The following CFAP299 variants were observed in gnomAD, a reference collection of about 807,000 sequenced individuals.
CFAP299 encodes the protein cilia- and flagella-associated protein 299.
A neutral mutation model predicts 27.0 loss-of-function variants in CFAP299; 21 were observed. The observed-to-expected ratio is 0.78, with a 90% CI of 0.55 to 1.12. The LOEUF (loss-of-function observed/expected upper bound fraction) is 1.12, where lower values mean the gene tolerates loss of function less well. CFAP299 is among the 50% of genes most tolerant of loss of function. CFAP299 has a pLI of 0.00. For synonymous variants in CFAP299, 104 were observed against 98.1 expected (o/e 1.06, Z -0.36); for missense variants, 310 against 276.6 (o/e 1.12, Z -0.86).
rs3038572 is a variant in CFAP299 at position 80,902,586 on chromosome 4, TACACAC to T, written c.476+32486_476+32491del. On this transcript the variant is annotated intron_variant, in intron 4 of 5. Coordinates refer to ENST00000358105, the MANE Select transcript of CFAP299 (RefSeq NM_152770.3). ...ATTTTATCCATATATATGTAATATA[TACACAC>T]ACACACACACACACACACACACACA... Among the ~76,000 whole-genome samples the T allele has an allele frequency of 3.0e-3, 378 of 126,688 alleles. 2 individuals carry two copies. The highest frequency in any genetic ancestry group is 3.9e-3 in the Non-Finnish European group (240 of 61,130). 83.1% of individuals were successfully genotyped at this position (126,688 alleles called of 152,430 possible).
chr4:80,880,887 G>A (rs1319428009), intron 4 of CFAP299, among the ~76,000 whole-genome samples: 1 of 152,214 alleles, frequency 6.6e-6, no homozygotes, highest in Admixed American at 6.5e-5. Flanking sequence ...GGGAAAGTGA[G>A]ATTGCAGTGT....
At chr4:80,392,895 T>C (rs1460594103) in intron 2 of CFAP299, among the ~76,000 whole-genome samples, 1 of 152,230 alleles carries the variant, frequency 6.6e-6, no homozygotes, top group East Asian at 1.9e-4. Flanking sequence ...GCACTCCTTC[T>C]ACTTATTAAA....
intron 3 of CFAP299, among the ~76,000 whole-genome samples, chr4:80,668,117 T>A (rs1265863164): frequency 6.6e-6 from 1 of 151,346 alleles, no homozygotes; most frequent in African/African-American, 2.4e-5. Context: ...TTTCGTCTTT[T>A]GGGAAATATC....
chr4:80,535,122 G>A (rs1733661831), intron 2 of CFAP299, among the ~76,000 whole-genome samples: 1 of 151,732 alleles, frequency 6.6e-6, no homozygotes, highest in Non-Finnish European at 1.5e-5. Context: ...TTCAATCTGG[G>A]TAGGACAAAG....
In CFAP299 at chr4:80,752,032, A is replaced by G. The variant is rs549558792; in HGVS notation, c.334-117961A>G. ...CACACAGCTCTGTGTATCAGACCCA[A>G]TGCCCTGGTGGCATGGGCTCACAAG... On this transcript the variant is annotated intron_variant, in intron 3 of 5. Transcript: ENST00000358105. Among the ~76,000 whole-genome samples, 10 of 152,216 alleles carry G rather than the reference A, an allele frequency of 6.6e-5. No homozygotes were observed. The South Asian group carries it at 1.5e-3, about 22-fold the overall frequency.
At position 80,491,620 on chromosome 4, in the gene CFAP299, ATTTT is replaced by A. The variant is rs575216669; in HGVS notation, c.243-91466_243-91463del. 2.0e-5 allele frequency among the ~76,000 whole-genome samples: 3 copies of A among 149,976 alleles called. No individual in the cohort carries two copies. In the East Asian group the frequency reaches 5.9e-4, roughly 29 times the overall value. ...GGTTAATGTTGAGGACTAAACTCTG[ATTTT>A]TTTTTTCTTGCCCAAATTCCTATCT... On this transcript the variant is annotated intron_variant, in intron 2 of 5. Transcript: ENST00000358105.
At chr4:80,686,621 G>A (rs1720213374) in intron 3 of CFAP299, among the ~76,000 whole-genome samples, 1 of 152,142 alleles carries the variant, frequency 6.6e-6, no homozygotes, top group Non-Finnish European at 1.5e-5. Flanking sequence ...ATAGTGGCAG[G>A]AAATGAATGC....
rs563251683 is a variant in CFAP299, at chr4:80,857,078, A to G, written c.334-12915A>G. Among the ~76,000 whole-genome samples, 323 of 152,172 alleles carry G rather than the reference A, an allele frequency of 2.1e-3. 2 individuals carry two copies. Among genetic ancestry groups the G allele is most frequent in the African/African-American group, 7.4e-3 (308 of 41,526 alleles). Reference sequence around the variant, plus strand: ...ATTTGTTTGTATCCTCTTTTATTTCACTGAACAGTGTTTTGTAGTTCTTCT... The same window carrying G: ...ATTTGTTTGTATCCTCTTTTATTTCGCTGAACAGTGTTTTGTAGTTCTTCT... On this transcript the variant is annotated intron_variant, in intron 3 of 5. Coordinates refer to ENST00000358105, the MANE Select transcript of CFAP299 (RefSeq NM_152770.3).
chr4:80,384,850 C>A (rs1157578825), intron 2 of CFAP299, among the ~76,000 whole-genome samples: 1 of 152,106 alleles, frequency 6.6e-6, no homozygotes, highest in Non-Finnish European at 1.5e-5. Flanking sequence ...CCATGAGTCC[C>A]TGCTAGGTTC....
intron 3 of CFAP299, among the ~76,000 whole-genome samples, chr4:80,842,201 T>C (rs896620757): frequency 5.3e-5 from 8 of 152,128 alleles, no homozygotes; most frequent in Non-Finnish European, 1.0e-4. Context: ...ATTCATGGGT[T>C]CCCAAGTTCT....
At chr4:80,483,127 AG>A (rs899815520) in intron 2 of CFAP299, among the ~76,000 whole-genome samples, 4 of 152,170 alleles carry the variant, frequency 2.6e-5, no homozygotes, top group African/African-American at 7.2e-5. Context: ...AAGGTGGAGG[AG>A]GGGGGCAGAA....
intron 3 of CFAP299, among the ~76,000 whole-genome samples, chr4:80,672,613 A>G (rs1307162863): frequency 1.3e-5 from 2 of 152,186 alleles, no homozygotes; most frequent in Admixed American, 6.5e-5. Flanking sequence ...GGTAGAATTC[A>G]GCTGTGAATC....
chr4:80,606,555 C>A (rs1737689115), intron 3 of CFAP299, among the ~76,000 whole-genome samples: 1 of 151,916 alleles, frequency 6.6e-6, no homozygotes, highest in Non-Finnish European at 1.5e-5. Context: ...AGATATGTAG[C>A]CATAGCTACA....
the CFAP299 span, among the ~76,000 whole-genome samples, chr4:80,325,913 G>C: frequency 3.3e-5 from 5 of 152,304 alleles, no homozygotes; most frequent in Admixed American, 6.5e-5. Flanking sequence ...GCTGAACTGA[G>C]TGCAGATACA....
At chr4:80,656,325 A>G (rs916636884) in intron 3 of CFAP299, among the ~76,000 whole-genome samples, 1 of 151,484 alleles carries the variant, frequency 6.6e-6, no homozygotes, top group Non-Finnish European at 1.5e-5. Context: ...TGATGCACCC[A>G]TCACCCCATC....
At chr4:80,597,590 A>G (rs1436483698) in intron 3 of CFAP299, among the ~76,000 whole-genome samples, 1 of 152,196 alleles carries the variant, frequency 6.6e-6, no homozygotes, top group East Asian at 1.9e-4. Context: ...GCTGTTTAAG[A>G]TATCTTTGCT....
At chr4:80,948,620 G>T (rs1200058760) in intron 5 of CFAP299, among the ~76,000 whole-genome samples, 2 of 151,660 alleles carry the variant, frequency 1.3e-5, no homozygotes, top group Non-Finnish European at 2.9e-5. Context: ...GTCTAAAACT[G>T]GCATGAACCA....
intron 2 of CFAP299, among the ~76,000 whole-genome samples, chr4:80,437,908 T>A (rs890241093): frequency 2.6e-5 from 4 of 152,198 alleles, no homozygotes; most frequent in Non-Finnish European, 5.9e-5. Context: ...TTACACCATT[T>A]TCTTTAGGTT....
chr4:80,829,225 A>G (rs894069701), intron 3 of CFAP299, among the ~76,000 whole-genome samples: 1 of 152,096 alleles, frequency 6.6e-6, no homozygotes, highest in Non-Finnish European at 1.5e-5. Flanking sequence ...TCTAAAACTC[A>G]ACAACAAAAA....
Sources: gnomAD v4.1 joint callset for allele counts (sites outside exome capture counted in the v4.1 genomes callset) on GRCh38, gnomAD v4.1.1 for gene constraint, MANE v1.5 for transcripts, NCBI Gene and HGNC (gene_info 2026-07-23, HGNC 2026-07-21) for gene names.